Variants in MMP26 observed in about 807,000 individuals in gnomAD.
MMP26 encodes the protein matrix metalloproteinase-26.
MMP26 carries 33 observed loss-of-function variants against 31.0 expected under a neutral mutation model. That is an observed-to-expected ratio of 1.06 (90% confidence interval 0.81 to 1.42). The LOEUF (loss-of-function observed/expected upper bound fraction) is 1.42. Ranked by LOEUF, MMP26 falls within the 40% of genes most tolerant of loss-of-function variation. The pLI is 0.00. For synonymous variants in MMP26, 122 were observed against 114.9 expected (o/e 1.06, Z -0.40); for missense variants, 347 against 316.1 (o/e 1.10, Z -0.74).
At chr11:4,927,447 A>G (rs1293517510) in intron 2 of MMP26, among the ~76,000 whole-genome samples, 1 of 152,142 alleles carries the variant, frequency 6.6e-6, no homozygotes, top group Non-Finnish European at 1.5e-5. Context: ...AGAATGACAA[A>G]GCTAGGACTA....
chr11:4,823,429 A>G (rs900086431), intron 2 of MMP26, among the ~76,000 whole-genome samples: 5 of 152,098 alleles, frequency 3.3e-5, no homozygotes, highest in African/African-American at 9.7e-5. Context: ...ACTACTCACA[A>G]CTCTGCCCTT....
chr11:4,949,411 A>G lies in MMP26; in HGVS notation c.-144-38657A>G, dbSNP rs1044698783. Among the ~76,000 whole-genome samples the G allele has an allele frequency of 2.5e-4, 31 of 123,402 alleles. 11 individuals carry two copies. Among genetic ancestry groups the G allele is most frequent in the Non-Finnish European group, 5.1e-4 (28 of 54,654 alleles). The allele number at this position is 123,402 out of a possible 152,430, so 81.0% of individuals were successfully genotyped here. A position where few individuals can be genotyped will look rare whatever the true frequency, so the allele number is the denominator to read the frequency against. ...ATTATAATAATAAAATGAGGCATGT[A>G]TATTAATTATTAATATCTCATTCTA... On this transcript the variant is annotated intron_variant, in intron 2 of 7. Coordinates refer to ENST00000380390, the MANE Select transcript of MMP26 (RefSeq NM_021801.5).
intron 2 of MMP26, among the ~76,000 whole-genome samples, chr11:4,842,994 T>G (rs61882262): frequency 0.21 from 32,417 of 152,168 alleles, 3,602 homozygotes; most frequent in South Asian, 0.23. Flanking sequence ...TCATTAAATC[T>G]TAAATCCTCA....
chr11:4,990,709 T>G lies in MMP26; in HGVS notation c.432T>G (p.Asn144Lys), dbSNP rs148591000. 3 of 1,614,018 alleles carry G rather than the reference T, an allele frequency of 1.9e-6. No individual in the cohort carries two copies. The highest frequency in any genetic ancestry group is 1.1e-5 in the South Asian group (1 of 91,092). Residue 144 changes from asparagine (N) to lysine (K), a missense_variant, in exon 5 of 8, where the codon AAT (asparagine) becomes AAG (lysine). By Grantham distance (94) the Asn-to-Lys change is moderately conservative. Coordinates refer to ENST00000380390, the MANE Select transcript of MMP26 (RefSeq NM_021801.5). ...CTTTGATATTCCAGCAAGTGCAGAA[T>G]GGAGATGCAGACATCAAGGTTTCTT... ...VTPLIFQQVQ[N>K]GDADIKVSFW... is the part of the protein sequence containing the mutation.
chr11:4,899,983 C>G (rs758304022), intron 2 of MMP26, among the ~76,000 whole-genome samples: 1 of 152,134 alleles, frequency 6.6e-6, no homozygotes, highest in Non-Finnish European at 1.5e-5. Context: ...TATATTTATT[C>G]TAATCATTGC....
chr11:4,841,685 C>T (rs1010246025), intron 2 of MMP26, among the ~76,000 whole-genome samples: 1 of 152,312 alleles, frequency 6.6e-6, no homozygotes, highest in Admixed American at 6.5e-5. Flanking sequence ...GTAATCCCAG[C>T]ACTTTGGGAG....
chr11:4,723,449 G>A, intron 1 of MMP26: 2 of 1,038,534 alleles, frequency 1.9e-6, no homozygotes, highest in Non-Finnish European at 3.0e-6. Flanking sequence ...TCCATGGACA[G>A]CACCACAGAT....
In MMP26 at chr11:4,965,369, G is replaced by A. The variant is rs558582176; in HGVS notation, c.-144-22699G>A. Among the ~76,000 whole-genome samples, 3 of 152,302 alleles carry A rather than the reference G, an allele frequency of 2.0e-5. No individual in the cohort carries two copies. In the South Asian group the frequency reaches 6.2e-4, roughly 32 times the overall value. ...ATACCTAAAGGAGCAATTTGATGAA[G>A]AGAGTTTCTTGAACTAGGATTTCTA... On this transcript the variant is annotated intron_variant, in intron 2 of 7. Coordinates refer to ENST00000380390, the MANE Select transcript of MMP26 (RefSeq NM_021801.5).
At chr11:4,943,073 C>G (rs1846239190) in intron 2 of MMP26, 1 of 158,102 alleles carries the variant, frequency 6.3e-6, no homozygotes, top group Non-Finnish European at 1.4e-5. Context: ...ATATTCTCTG[C>G]TTGGACTAAA....
At chr11:4,776,214 G>A (rs1156687905) in intron 2 of MMP26, among the ~76,000 whole-genome samples, 1 of 152,072 alleles carries the variant, frequency 6.6e-6, no homozygotes, top group Admixed American at 6.5e-5. Context: ...CACCCAGGTT[G>A]ATTCATATCT....
At chr11:4,816,257 A>G (rs1392449961) in intron 2 of MMP26, among the ~76,000 whole-genome samples, 1 of 152,190 alleles carries the variant, frequency 6.6e-6, no homozygotes, top group Non-Finnish European at 1.5e-5. Flanking sequence ...ATCTTCTCAA[A>G]TTAGTTAAGA....
At chr11:4,783,239 C>T (rs1232515383) in intron 2 of MMP26, among the ~76,000 whole-genome samples, 1 of 152,242 alleles carries the variant, frequency 6.6e-6, no homozygotes, top group Non-Finnish European at 1.5e-5. Flanking sequence ...CAGGGGCAGA[C>T]ATGCCCAAGA....
At chr11:4,859,195 T>C (rs1422212707) in intron 2 of MMP26, among the ~76,000 whole-genome samples, 4 of 152,108 alleles carry the variant, frequency 2.6e-5, no homozygotes, top group Non-Finnish European at 5.9e-5. Flanking sequence ...CCAAAAGCAA[T>C]GGCAACAAAA....
chr11:4,947,256 GA>G (rs1846326489), intron 2 of MMP26: 1 of 437,264 alleles, frequency 2.3e-6, no homozygotes, highest in Admixed American at 6.1e-5. Flanking sequence ...CTATCATCAT[GA>G]AGAGAGATGG....
At chr11:4,905,711 A>G (rs981753512) in intron 2 of MMP26, among the ~76,000 whole-genome samples, 1 of 152,164 alleles carries the variant, frequency 6.6e-6, no homozygotes, top group African/African-American at 2.4e-5. Flanking sequence ...CTTATTAAAT[A>G]TAGGCGGAAT....
At chr11:4,922,258 T>C (rs1851196584) in intron 2 of MMP26, among the ~76,000 whole-genome samples, 1 of 152,194 alleles carries the variant, frequency 6.6e-6, no homozygotes, top group South Asian at 2.1e-4. Flanking sequence ...TTTTATGTTT[T>C]CCTTCTGGTG....
At chr11:4,959,665 A>G (rs1387406276) in intron 2 of MMP26, among the ~76,000 whole-genome samples, 1 of 152,078 alleles carries the variant, frequency 6.6e-6, no homozygotes, top group Non-Finnish European at 1.5e-5. Context: ...TATCTCTTTA[A>G]GTGGTATCCA....
chr11:4,878,527 C>T (rs1850415990), intron 2 of MMP26, among the ~76,000 whole-genome samples: 1 of 152,072 alleles, frequency 6.6e-6, no homozygotes, highest in Non-Finnish European at 1.5e-5. Flanking sequence ...CAACCTCAGC[C>T]TCACTTCTGT....
intron 2 of MMP26, among the ~76,000 whole-genome samples, chr11:4,790,969 T>A (rs1323299852): frequency 6.6e-6 from 1 of 152,242 alleles, no homozygotes; most frequent in Non-Finnish European, 1.5e-5. Context: ...ATATCTTAAC[T>A]GCTACCTTCG....
Sources: gnomAD v4.1 joint callset for allele counts (sites outside exome capture counted in the v4.1 genomes callset) on GRCh38, gnomAD v4.1.1 for gene constraint, MANE v1.5 for transcripts, NCBI Gene and HGNC (gene_info 2026-07-23, HGNC 2026-07-21) for gene names.